The following ZFPM2 variants were observed in gnomAD, a reference collection of about 807,000 sequenced individuals.
ZFPM2 encodes the protein zinc finger protein ZFPM2.
A neutral mutation model predicts 98.6 loss-of-function variants in ZFPM2; 20 were observed. The ratio of observed to expected loss-of-function variants is 0.20; its 90% CI spans 0.14 to 0.29. The LOEUF (loss-of-function observed/expected upper bound fraction) is 0.29, where lower values mean the gene tolerates loss of function less well. Among genes scored for constraint, ZFPM2 ranks in the 10% least tolerant of loss-of-function variants. The pLI is 1.00. For synonymous variants in ZFPM2, 518 were observed against 502.7 expected (o/e 1.03, Z -0.41); for missense variants, 1,310 against 1,388.6 (o/e 0.94, Z 0.90).
intron 3 of ZFPM2, among the ~76,000 whole-genome samples, chr8:105,554,038 A>G (rs1814926628): frequency 6.6e-6 from 1 of 152,162 alleles, no homozygotes. Flanking sequence ...GGAACGTCGT[A>G]TTTCAAGTTT....
At chr8:105,531,376 G>T (rs1814293281) in intron 3 of ZFPM2, among the ~76,000 whole-genome samples, 1 of 152,188 alleles carries the variant, frequency 6.6e-6, no homozygotes, top group Admixed American at 6.5e-5. Flanking sequence ...CATTTACAGG[G>T]GCCTTGGGGT....
At chr8:105,616,339 C>T (rs1237073526) in intron 4 of ZFPM2, among the ~76,000 whole-genome samples, 1 of 151,980 alleles carries the variant, frequency 6.6e-6, no homozygotes, top group African/African-American at 2.4e-5. Flanking sequence ...ATTTAGTTGC[C>T]ATTAAAATCT....
At chr8:105,377,281 C>T (rs991921487) in intron 1 of ZFPM2, among the ~76,000 whole-genome samples, 7 of 152,060 alleles carry the variant, frequency 4.6e-5, no homozygotes, top group African/African-American at 1.7e-4. Flanking sequence ...TAGTTTATTA[C>T]CATATTTTGC....
At chr8:105,500,852 G>C (rs1813577323) in intron 3 of ZFPM2, among the ~76,000 whole-genome samples, 1 of 152,060 alleles carries the variant, frequency 6.6e-6, no homozygotes, top group Non-Finnish European at 1.5e-5. Context: ...CGAAAGCTAA[G>C]GCAAATATGT....
At chr8:105,775,296 T>C (rs1290265161) in intron 5 of ZFPM2, among the ~76,000 whole-genome samples, 1 of 151,994 alleles carries the variant, frequency 6.6e-6, no homozygotes, top group Non-Finnish European at 1.5e-5. Flanking sequence ...AGGCAGAGTG[T>C]TTCATTTCCC....
intron 5 of ZFPM2, among the ~76,000 whole-genome samples, chr8:105,722,944 C>G (rs887419156): frequency 6.6e-6 from 1 of 151,836 alleles, no homozygotes; most frequent in Non-Finnish European, 1.5e-5. Flanking sequence ...TCCATGTTGA[C>G]AAGAAACCAA....
At chr8:105,647,432 G>T (rs1355849805) in intron 5 of ZFPM2, among the ~76,000 whole-genome samples, 2 of 151,516 alleles carry the variant, frequency 1.3e-5, no homozygotes, top group African/African-American at 2.4e-5. Flanking sequence ...CAATGTGCAG[G>T]TTTGTTACCT....
chr8:105,757,330 T>G (rs1812626564), intron 5 of ZFPM2, among the ~76,000 whole-genome samples: 1 of 152,158 alleles, frequency 6.6e-6, no homozygotes, highest in South Asian at 2.1e-4. Flanking sequence ...ATGCTTTGCT[T>G]TAAAAGATAT....
chr8:105,377,834 T>C (rs541006247), intron 1 of ZFPM2, among the ~76,000 whole-genome samples: 2 of 152,090 alleles, frequency 1.3e-5, no homozygotes, highest in African/African-American at 2.4e-5. Context: ...TGGATACCTT[T>C]TACAGAAATT....
chr8:105,417,859 A>G (rs1811709430), intron 1 of ZFPM2, among the ~76,000 whole-genome samples: 3 of 152,244 alleles, frequency 2.0e-5, no homozygotes, highest in Admixed American at 2.0e-4. Flanking sequence ...TCTTCTTAAC[A>G]TTTGCTCTTT....
intron 3 of ZFPM2, among the ~76,000 whole-genome samples, chr8:105,483,936 G>C (rs189579760): frequency 4.0e-5 from 6 of 151,550 alleles, no homozygotes; most frequent in Non-Finnish European, 8.8e-5. Flanking sequence ...GGGTTTCACC[G>C]TGTTATCCAG....
chr8:105,488,952 A>G (rs1813293649), intron 3 of ZFPM2, among the ~76,000 whole-genome samples: 2 of 152,164 alleles, frequency 1.3e-5, no homozygotes, highest in Admixed American at 1.3e-4. Flanking sequence ...ATTATTTTCC[A>G]TTGGAAAACT....
intron 3 of ZFPM2, 106 bp from the exon 4 acceptor site, chr8:105,561,257 T>G: frequency 1.2e-6 from 1 of 845,912 alleles, no homozygotes; most frequent in Non-Finnish European, 2.0e-6. Flanking sequence ...ATTCTCTTTA[T>G]ATGAATCCTG....
chr8:105,763,243 A>G (rs1013857748), intron 5 of ZFPM2, among the ~76,000 whole-genome samples: 1 of 151,854 alleles, frequency 6.6e-6, no homozygotes. Context: ...TAGCATACAG[A>G]ATATTAGCAA....
At chr8:105,632,293 C>T (rs1316630746) in intron 4 of ZFPM2, among the ~76,000 whole-genome samples, 17 of 152,132 alleles carry the variant, frequency 1.1e-4, no homozygotes, top group Non-Finnish European at 5.9e-5. Flanking sequence ...CCTCAGCCTC[C>T]CAAGTAGCTG....
At chr8:105,549,785 G>A (rs539267595) in intron 3 of ZFPM2, among the ~76,000 whole-genome samples, 1 of 151,554 alleles carries the variant, frequency 6.6e-6, no homozygotes, top group Non-Finnish European at 1.5e-5. Flanking sequence ...CTAATTTTTT[G>A]TATTTTTTTT....
intron 4 of ZFPM2, among the ~76,000 whole-genome samples, chr8:105,599,097 T>C (rs950042053): frequency 2.6e-5 from 4 of 151,992 alleles, no homozygotes; most frequent in South Asian, 2.1e-4. Flanking sequence ...AAATTACTCA[T>C]TGGGGGAGCT....
chr8:105,645,580 AAGG>A (rs541608172), intron 5 of ZFPM2, among the ~76,000 whole-genome samples: 77 of 152,282 alleles, frequency 5.1e-4, no homozygotes, highest in Non-Finnish European at 9.4e-4. Context: ...TAAATTTGGA[AAGG>A]AGAAGTTTAT....
intron 1 of ZFPM2, among the ~76,000 whole-genome samples, chr8:105,323,687 A>T (rs2130649713): frequency 6.6e-6 from 1 of 152,056 alleles, no homozygotes; most frequent in African/African-American, 2.4e-5. Flanking sequence ...GATGACCAAT[A>T]TAGTCATTTT....
Sources: allele counts gnomAD v4.1 joint callset (sites outside exome capture counted in the v4.1 genomes callset), GRCh38; gene constraint gnomAD v4.1.1; transcripts MANE v1.5; gene names NCBI Gene and HGNC (gene_info 2026-07-23, HGNC 2026-07-21).